The following KIAA0825 variants were observed in gnomAD, a reference collection of about 807,000 sequenced individuals.
The protein encoded by KIAA0825 is KIAA0825.
KIAA0825 carries 119 observed loss-of-function variants against 147.6 expected under a neutral mutation model. The ratio of observed to expected loss-of-function variants is 0.81; its 90% CI spans 0.69 to 0.94. The LOEUF is 0.94. Ranked by LOEUF, KIAA0825 falls within the 40% of genes least tolerant of loss-of-function variation. The pLI is 0.00. For missense variants in KIAA0825, 1,381 were observed against 1,472.7 expected, an observed-to-expected ratio of 0.94 and a Z score of 1.02; for synonymous variants, 470 against 518.1, an observed-to-expected ratio of 0.91 and a Z score of 1.26.
rs7732686 is a variant in KIAA0825 at position 94,552,003 on chromosome 5, C to G, written c.-1-14876G>C. On this transcript the variant is annotated intron_variant, in intron 2 of 20. Coordinates refer to ENST00000682413, the MANE Select transcript of KIAA0825 (RefSeq NM_001145678.3). ...TAGAAATGGATCAAAGAACAAGACC[C>G]AACTATATACTGCCCACAAAAAAAC... Among the ~76,000 whole-genome samples the G allele has an allele frequency of 3.6e-3, 553 of 151,916 alleles. 4 individuals carry two copies. Among genetic ancestry groups the G allele is most frequent in the African/African-American group, 0.013 (529 of 41,438 alleles).
At position 94,462,519 on chromosome 5, in the gene KIAA0825, A is replaced by G. The variant is rs770609944; in HGVS notation, c.2114T>C (p.Val705Ala). Reference sequence around the variant, plus strand: ...CAAAAGTTTCTGTACAGATGTACAAACTGACCATAACATGTTCTCAGTGCA... The same window carrying G: ...CAAAAGTTTCTGTACAGATGTACAAGCTGACCATAACATGTTCTCAGTGCA... ...LICTENMLWS[V>A]CTSVQKLLNP... Residue 705 changes from valine (V) to alanine (A), a missense_variant, in exon 12 of 21, where the codon GTT (valine) becomes GCT (alanine). Val to Ala is a moderately conservative substitution (Grantham distance 64). Coordinates refer to ENST00000682413, the MANE Select transcript of KIAA0825 (RefSeq NM_001145678.3). The G allele has an allele frequency of 1.9e-6, 3 of 1,542,362 alleles. No individual in the cohort carries two copies. Among genetic ancestry groups the G allele is most frequent in the Non-Finnish European group, 2.6e-6 (3 of 1,143,202 alleles).
intron 5 of KIAA0825, among the ~76,000 whole-genome samples, chr5:94,498,828 G>A (rs1764689430): frequency 6.6e-6 from 1 of 152,118 alleles, no homozygotes; most frequent in South Asian, 2.1e-4. Flanking sequence ...CTTATGCAAG[G>A]TCTACTCACA....
At chr5:94,465,646 A>G (rs1367860932) in intron 10 of KIAA0825, among the ~76,000 whole-genome samples, 1 of 152,222 alleles carries the variant, frequency 6.6e-6, no homozygotes, top group Non-Finnish European at 1.5e-5. Context: ...AATACTAGAA[A>G]CAGATACCAC....
intron 20 of KIAA0825, among the ~76,000 whole-genome samples, chr5:94,294,896 G>A (rs1283260690): frequency 6.6e-6 from 1 of 152,074 alleles, no homozygotes; most frequent in Non-Finnish European, 1.5e-5. Context: ...ACAATTATGT[G>A]TCTTGGGGTT....
At chr5:94,353,591 G>A (rs1240814044) in intron 20 of KIAA0825, among the ~76,000 whole-genome samples, 5 of 152,034 alleles carry the variant, frequency 3.3e-5, no homozygotes, top group Non-Finnish European at 5.9e-5. Flanking sequence ...AAAAATAAAT[G>A]GCCATTAGAT....
At chr5:94,185,785 G>A (rs1455427771) in intron 20 of KIAA0825, among the ~76,000 whole-genome samples, 3 of 152,104 alleles carry the variant, frequency 2.0e-5, no homozygotes, top group Admixed American at 2.0e-4. Context: ...GAAAAAAAGG[G>A]CATAGATTTT....
intron 20 of KIAA0825, among the ~76,000 whole-genome samples, chr5:94,342,026 T>C (rs1782443447): frequency 1.3e-5 from 2 of 152,016 alleles, no homozygotes; most frequent in African/African-American, 4.8e-5. Context: ...ACCCCGTCTC[T>C]ACTAAAAATA....
At chr5:94,557,582 C>T (rs1022045739) in intron 2 of KIAA0825, among the ~76,000 whole-genome samples, 9 of 152,092 alleles carry the variant, frequency 5.9e-5, no homozygotes, top group African/African-American at 1.2e-4. Context: ...GCTGGGAAGG[C>T]GACCACATCC....
chr5:94,253,275 G>T (rs1776066960), intron 20 of KIAA0825, among the ~76,000 whole-genome samples: 1 of 152,028 alleles, frequency 6.6e-6, no homozygotes, highest in Non-Finnish European at 1.5e-5. Flanking sequence ...TATTTAAGCT[G>T]TCAGTATAAA....
chr5:94,375,222 A>C (rs762290147), intron 20 of KIAA0825, among the ~76,000 whole-genome samples: 1 of 151,876 alleles, frequency 6.6e-6, no homozygotes, highest in Non-Finnish European at 1.5e-5. Context: ...TAGTAGAGAC[A>C]GGGTTTCACT....
chr5:94,463,622 C>G (rs1760108539), intron 11 of KIAA0825, among the ~76,000 whole-genome samples: 1 of 150,786 alleles, frequency 6.6e-6, no homozygotes, highest in African/African-American at 2.4e-5. Context: ...TAGGATTAAC[C>G]AGTCAAATAA....
intron 5 of KIAA0825, chr5:94,519,465 A>G (rs1767760377): frequency 1.1e-6 from 1 of 882,404 alleles, no homozygotes; most frequent in South Asian, 5.2e-5. Flanking sequence ...AAGTACAACC[A>G]CAATAAGAAA....
chr5:94,462,366 G>T, intron 12 of KIAA0825, 21 bp downstream of exon 12: 1 of 1,224,278 alleles, frequency 8.2e-7, no homozygotes, highest in Non-Finnish European at 1.1e-6. Flanking sequence ...TAGCTAAAAG[G>T]AAAATACATT....
chr5:94,246,785 A>G (rs1775643757), intron 20 of KIAA0825, among the ~76,000 whole-genome samples: 1 of 152,152 alleles, frequency 6.6e-6, no homozygotes, highest in Non-Finnish European at 1.5e-5. Context: ...CAAAGTCATT[A>G]CAGTTAGTAA....
chr5:94,606,375 T>C (rs1787492390), intron 1 of KIAA0825, among the ~76,000 whole-genome samples: 1 of 152,160 alleles, frequency 6.6e-6, no homozygotes, highest in Non-Finnish European at 1.5e-5. Context: ...AAACCACCAA[T>C]GACATTCTTC....
At chr5:94,347,399 T>C (rs545883486) in intron 20 of KIAA0825, among the ~76,000 whole-genome samples, 1 of 152,312 alleles carries the variant, frequency 6.6e-6, no homozygotes, top group South Asian at 2.1e-4. Flanking sequence ...ACGGAGTTCA[T>C]TGCACCCCCT....
intron 2 of KIAA0825, among the ~76,000 whole-genome samples, chr5:94,545,174 C>T (rs1305747049): frequency 2.0e-5 from 3 of 152,018 alleles, no homozygotes; most frequent in Non-Finnish European, 4.4e-5. Flanking sequence ...CCAGCCATGG[C>T]CAGAAGGGAA....
intron 20 of KIAA0825, among the ~76,000 whole-genome samples, chr5:94,269,473 C>T (rs1776882984): frequency 6.6e-6 from 1 of 151,986 alleles, no homozygotes; most frequent in Non-Finnish European, 1.5e-5. Context: ...TCAGAAGACA[C>T]AGAGTGGCTG....
At chr5:94,359,621 G>T (rs2150398088) in intron 20 of KIAA0825, among the ~76,000 whole-genome samples, 1 of 152,198 alleles carries the variant, frequency 6.6e-6, no homozygotes, top group East Asian at 1.9e-4. Context: ...ATAAATAAAA[G>T]AAAGAAAGTG....
Sources: gnomAD v4.1 joint callset for allele counts (sites outside exome capture counted in the v4.1 genomes callset) on GRCh38, gnomAD v4.1.1 for gene constraint, MANE v1.5 for transcripts, NCBI Gene and HGNC (gene_info 2026-07-23, HGNC 2026-07-21) for gene names.